CSMD1: variants seen among roughly 807,000 people sequenced by gnomAD.
The protein encoded by CSMD1 is CUB and Sushi multiple domains 1.
Under a neutral mutation model 417.5 loss-of-function variants are expected in CSMD1, and 213 were observed. The observed-to-expected ratio is 0.51, with a 90% CI of 0.46 to 0.57. The LOEUF is 0.57. Among genes scored for constraint, CSMD1 ranks in the 20% least tolerant of loss-of-function variants. The pLI, the probability that CSMD1 is intolerant of heterozygous loss-of-function variation, is 0.00. For synonymous variants in CSMD1, 2,862 were observed against 1,736.8 expected, an observed-to-expected ratio of 1.65 and a Z score of -16.11; for missense variants, 6,923 against 4,529.7, an observed-to-expected ratio of 1.53 and a Z score of -15.17.
At chr8:4,159,731 G>T (rs538946848) in intron 3 of CSMD1, among the ~76,000 whole-genome samples, 3 of 152,108 alleles carry the variant, frequency 2.0e-5, no homozygotes, top group Admixed American at 1.3e-4. Context: ...TGGGACTACA[G>T]GTGCCCGCCA....
intron 5 of CSMD1, among the ~76,000 whole-genome samples, chr8:3,978,533 G>C (rs1813615974): frequency 6.6e-6 from 1 of 152,118 alleles, no homozygotes; most frequent in South Asian, 2.1e-4. Flanking sequence ...ACACTTATGT[G>C]AGTTTGGCAA....
chr8:4,386,293 A>T (rs1251994897), intron 3 of CSMD1, among the ~76,000 whole-genome samples: 1 of 151,802 alleles, frequency 6.6e-6, no homozygotes, highest in African/African-American at 2.4e-5. Context: ...CATCCCACTC[A>T]AACAAAACAC....
chr8:3,916,006 T>C (rs750149528), intron 5 of CSMD1, among the ~76,000 whole-genome samples: 1 of 151,554 alleles, frequency 6.6e-6, no homozygotes, highest in African/African-American at 2.4e-5. Context: ...ATAATGCAAT[T>C]AGTTGGAAAA....
At chr8:3,292,321 G>A (rs1431177053) in intron 25 of CSMD1, among the ~76,000 whole-genome samples, 1 of 152,072 alleles carries the variant, frequency 6.6e-6, no homozygotes, top group Admixed American at 6.6e-5. Context: ...GGGGTGGAGA[G>A]TTCTGTAGAT....
intron 5 of CSMD1, among the ~76,000 whole-genome samples, chr8:3,968,860 A>G (rs956463615): frequency 1.3e-5 from 2 of 152,218 alleles, no homozygotes; most frequent in African/African-American, 4.8e-5. Flanking sequence ...ATTCGATCAC[A>G]CATCATCTTT....
At position 4,118,329 on chromosome 8, in the gene CSMD1, A is replaced by G. The variant is rs565182870; in HGVS notation, c.416-86230T>C. ...GATGTTTACTGCAGCAAACTTAAAA[A>G]TAGAAGCTTTGCAATCTACCCATCT... On this transcript the variant is annotated intron_variant, in intron 3 of 69. Transcript: ENST00000635120. Among the ~76,000 whole-genome samples the G allele has an allele frequency of 2.6e-5, 4 of 152,316 alleles. No homozygotes were observed. In the East Asian group the frequency reaches 7.7e-4, roughly 29 times the overall value.
At chr8:3,310,552 G>A (rs1391211308) in intron 23 of CSMD1, among the ~76,000 whole-genome samples, 1 of 152,270 alleles carries the variant, frequency 6.6e-6, no homozygotes, top group East Asian at 1.9e-4. Flanking sequence ...TAGGTATGCT[G>A]CTTATCCAAT....
intron 26 of CSMD1, among the ~76,000 whole-genome samples, chr8:3,276,722 C>A (rs530444081): frequency 6.6e-6 from 1 of 152,044 alleles, no homozygotes. Context: ...AAGCTCAGCT[C>A]AATTACAAAG....
chr8:3,660,220 T>A (rs558913812), intron 7 of CSMD1, among the ~76,000 whole-genome samples: 18 of 152,188 alleles, frequency 1.2e-4, no homozygotes, highest in Non-Finnish European at 2.1e-4. Flanking sequence ...TATCTACATT[T>A]GAAGCCTCTG....
chr8:3,028,726 C>G (rs931893808), intron 51 of CSMD1, among the ~76,000 whole-genome samples: 1 of 152,116 alleles, frequency 6.6e-6, no homozygotes, highest in African/African-American at 2.4e-5. Context: ...AAATTATACA[C>G]TATTCTACTT....
At chr8:4,453,003 C>G (rs1278556253) in intron 2 of CSMD1, among the ~76,000 whole-genome samples, 12 of 152,114 alleles carry the variant, frequency 7.9e-5, no homozygotes, top group Admixed American at 7.9e-4. Flanking sequence ...TTCCCACAGT[C>G]CTCTGAAGAA....
intron 3 of CSMD1, among the ~76,000 whole-genome samples, chr8:4,087,174 T>C (rs1236159127): frequency 2.0e-5 from 3 of 152,120 alleles, no homozygotes; most frequent in Non-Finnish European, 4.4e-5. Flanking sequence ...CTCACCTCCT[T>C]TCAGGGCATC....
At chr8:4,595,968 G>A (rs1800253739) in intron 2 of CSMD1, among the ~76,000 whole-genome samples, 1 of 152,094 alleles carries the variant, frequency 6.6e-6, no homozygotes, top group South Asian at 2.1e-4. Context: ...CACTTGTACA[G>A]CCTCAAATCC....
At chr8:4,975,534 A>C (rs114533570) in intron 1 of CSMD1, among the ~76,000 whole-genome samples, 1 of 152,312 alleles carries the variant, frequency 6.6e-6, no homozygotes, top group African/African-American at 2.4e-5. Context: ...TTTTCAGATG[A>C]AGGAAGTGAA....
intron 1 of CSMD1, among the ~76,000 whole-genome samples, chr8:4,934,680 C>T (rs993436893): frequency 6.6e-6 from 1 of 152,088 alleles, no homozygotes; most frequent in African/African-American, 2.4e-5. Context: ...CATCTATGAT[C>T]CATCTACTTA....
intron 3 of CSMD1, among the ~76,000 whole-genome samples, chr8:4,388,025 C>T (rs544520013): frequency 6.6e-6 from 1 of 152,108 alleles, no homozygotes; most frequent in Non-Finnish European, 1.5e-5. Flanking sequence ...CACCAAGCAT[C>T]TATTTTACCA....
At chr8:3,334,104 T>C (rs919993427) in intron 23 of CSMD1, among the ~76,000 whole-genome samples, 8 of 152,050 alleles carry the variant, frequency 5.3e-5, no homozygotes, top group African/African-American at 1.9e-4. Context: ...GCACACAGAG[T>C]GTCTACTGAT....
intron 7 of CSMD1, among the ~76,000 whole-genome samples, chr8:3,636,054 T>C (rs1372553144): frequency 3.4e-5 from 5 of 148,222 alleles, no homozygotes; most frequent in African/African-American, 7.5e-5. Flanking sequence ...ATCCTTACTC[T>C]ATAAGCTTTT....
In CSMD1 at chr8:3,468,764, A is replaced by T. The variant is rs1198392577; in HGVS notation, c.1509T>A (p.His503Gln). ...IVSMSNQMWL[H>Q]LQSDDSIGSP... is the part of the protein sequence containing the mutation. ...AGCCAATGCTATCATCCGACTGCAG[A>T]TGTAGCCACATCTGGTTGCTCATGC... Residue 503 changes from histidine to glutamine, a missense_variant, in exon 12 of 70, where the codon CAT (histidine) becomes CAA (glutamine). By Grantham distance (24) the His-to-Gln change is conservative. Coordinates refer to ENST00000635120, the MANE Select transcript of CSMD1 (RefSeq NM_033225.6). 5.0e-6 allele frequency: 8 copies of T among 1,607,374 alleles called. No individual in the cohort carries two copies. Among genetic ancestry groups the T allele is most frequent in the Non-Finnish European group, 6.8e-6 (8 of 1,177,080 alleles).
Sources: allele counts gnomAD v4.1 joint callset (sites outside exome capture counted in the v4.1 genomes callset), GRCh38; gene constraint gnomAD v4.1.1; transcripts MANE v1.5; gene names NCBI Gene and HGNC (gene_info 2026-07-23, HGNC 2026-07-21).